Variants in RBMS3 observed in about 807,000 individuals in gnomAD.
RBMS3 encodes RNA binding motif single stranded interacting protein 3, also known as RNA-binding motif, single-stranded-interacting protein 3.
RBMS3 carries 27 observed loss-of-function variants against 66.8 expected under a neutral mutation model. The observed-to-expected ratio is 0.40, with a 90% CI of 0.30 to 0.56. The LOEUF is 0.56. Ranked by LOEUF, RBMS3 falls within the 20% of genes least tolerant of loss-of-function variation. RBMS3 has a pLI of 0.40. For synonymous variants in RBMS3, 188 were observed against 183.0 expected, an observed-to-expected ratio of 1.03 and a Z score of -0.22; for missense variants, 513 against 549.5, an observed-to-expected ratio of 0.93 and a Z score of 0.66.
intron 12 of RBMS3, among the ~76,000 whole-genome samples, chr3:29,983,560 T>G (rs1698154854): frequency 6.6e-6 from 1 of 152,212 alleles, no homozygotes; most frequent in East Asian, 1.9e-4. Flanking sequence ...TGCCAGTTTT[T>G]CCTTTCCATA....
chr3:29,902,560 A>T (rs1056890804), intron 10 of RBMS3, among the ~76,000 whole-genome samples: 4 of 151,864 alleles, frequency 2.6e-5, no homozygotes, highest in African/African-American at 9.7e-5. Flanking sequence ...TTAAAAAAAA[A>T]TGCCCATTGA....
intron 6 of RBMS3, among the ~76,000 whole-genome samples, chr3:29,857,275 C>A (rs189764489): frequency 3.3e-5 from 5 of 152,020 alleles, no homozygotes; most frequent in Admixed American, 6.6e-5. Context: ...TCTAAGGGTG[C>A]GTATGTATTT....
intron 6 of RBMS3, among the ~76,000 whole-genome samples, chr3:29,800,672 G>A (rs910839227): frequency 1.6e-4 from 24 of 152,060 alleles, no homozygotes; most frequent in Non-Finnish European, 1.2e-4. Flanking sequence ...TTTTCTTTCT[G>A]AGGATCCAGA....
chr3:29,886,792 T>G (rs2149584998), intron 8 of RBMS3, among the ~76,000 whole-genome samples: 1 of 151,806 alleles, frequency 6.6e-6, no homozygotes, highest in Admixed American at 6.6e-5. Flanking sequence ...GAAGCATCAT[T>G]AAGAGGATAT....
At chr3:29,939,685 C>G (rs983595123) in intron 11 of RBMS3, among the ~76,000 whole-genome samples, 2 of 151,864 alleles carry the variant, frequency 1.3e-5, no homozygotes, top group African/African-American at 4.8e-5. Context: ...TCTTCTCTTC[C>G]TGCACAGATT....
chr3:29,358,202 C>A (rs1226705034), intron 1 of RBMS3, among the ~76,000 whole-genome samples: 2 of 152,080 alleles, frequency 1.3e-5, no homozygotes, highest in African/African-American at 4.8e-5. Flanking sequence ...GTCTTTAATC[C>A]ATCTTGAATT....
rs1480128843 is a variant in RBMS3 at position 29,329,068 on chromosome 3, T to C, written c.75+47312T>C. Among the ~76,000 whole-genome samples, 7 of 152,292 alleles carry C rather than the reference T, an allele frequency of 4.6e-5. No homozygotes were observed. The East Asian group carries it at 1.2e-3, about 25-fold the overall frequency. On this transcript the variant is annotated intron_variant, in intron 1 of 14. Coordinates refer to ENST00000383767, the MANE Select transcript of RBMS3 (RefSeq NM_001003793.3). ...TCAGTATTGTTTCTTTACTCCGAAA[T>C]GTAAATTAAGGTTCAGTGTTTAATG...
chr3:29,623,626 T>C (rs972301721), intron 4 of RBMS3, among the ~76,000 whole-genome samples: 9 of 151,724 alleles, frequency 5.9e-5, no homozygotes, highest in African/African-American at 2.2e-4. Context: ...AAGTCATTTC[T>C]CTTCCTCACT....
In RBMS3 at chr3:29,339,464, A is replaced by C. The variant is rs1016097135; in HGVS notation, c.75+57708A>C. Among the ~76,000 whole-genome samples the C allele has an allele frequency of 2.0e-5, 3 of 152,208 alleles. No homozygotes were observed. The East Asian group carries it at 5.8e-4, about 29-fold the overall frequency. ...TTTTGTTGTCCAAAAATAGTCGGAC[A>C]GTACTATTTGCAGTCATTAATCATG... On this transcript the variant is annotated intron_variant, in intron 1 of 14. Coordinates refer to ENST00000383767, the MANE Select transcript of RBMS3 (RefSeq NM_001003793.3).
intron 6 of RBMS3, among the ~76,000 whole-genome samples, chr3:29,843,427 T>A (rs1268047308): frequency 6.6e-6 from 1 of 152,206 alleles, no homozygotes; most frequent in African/African-American, 2.4e-5. Flanking sequence ...GGTGTGATCT[T>A]AAAACATCGA....
At chr3:29,337,925 C>A (rs1575571399) in intron 1 of RBMS3, among the ~76,000 whole-genome samples, 1 of 152,072 alleles carries the variant, frequency 6.6e-6, no homozygotes, top group Non-Finnish European at 1.5e-5. Flanking sequence ...AAAAGCAGGT[C>A]ACTTGGAAAA....
chr3:29,361,854 T>G (rs889615612), intron 1 of RBMS3, among the ~76,000 whole-genome samples: 22 of 152,350 alleles, frequency 1.4e-4, no homozygotes, highest in African/African-American at 4.8e-4. Flanking sequence ...TACTGAAGCT[T>G]GTGCATTCAT....
In RBMS3 at chr3:29,952,966, G is replaced by T. The variant is rs145158972; in HGVS notation, c.1098+8712G>T. ...TGAGATTCTTGAGATACTTGTTCTG[G>T]AGGGTTGAAGCCTACTAGCCAAAGA... is the stretch of plus-strand genomic sequence containing the variant. On this transcript the variant is annotated intron_variant, in intron 12 of 14. Transcript: ENST00000383767. Among the ~76,000 whole-genome samples, 3 of 151,966 alleles carry T rather than the reference G, an allele frequency of 2.0e-5. No individual in the cohort carries two copies. The East Asian group carries it at 5.8e-4, about 29-fold the overall frequency.
At chr3:29,755,320 A>T (rs2055361788) in intron 5 of RBMS3, among the ~76,000 whole-genome samples, 1 of 152,176 alleles carries the variant, frequency 6.6e-6, no homozygotes, top group Non-Finnish European at 1.5e-5. Flanking sequence ...TAGTTTCTAG[A>T]TGGAGTATAA....
rs1553655865 is a variant in RBMS3 at position 29,747,451 on chromosome 3, T to TA, written c.557+7574_557+7575insA. On this transcript the variant is annotated intron_variant, in intron 5 of 14. Coordinates refer to ENST00000383767, the MANE Select transcript of RBMS3 (RefSeq NM_001003793.3). ...ATAGATAGATAGATAGATAGATAGATGTCAGGTCACTATTATCCAATACTG... is the reference window on the plus strand; with the variant it reads ...ATAGATAGATAGATAGATAGATAGATAGTCAGGTCACTATTATCCAATACTG... Among the ~76,000 whole-genome samples the TA allele has an allele frequency of 3.3e-3, 477 of 145,006 alleles. 3 individuals are homozygous for TA. Among genetic ancestry groups the TA allele is most frequent in the Middle Eastern group, 0.018 (5 of 284 alleles).
intron 6 of RBMS3, among the ~76,000 whole-genome samples, chr3:29,763,668 A>G (rs1338842899): frequency 6.6e-6 from 1 of 152,122 alleles, no homozygotes; most frequent in Non-Finnish European, 1.5e-5. Flanking sequence ...TGCATTAAAC[A>G]TGAAATAATT....
chr3:29,717,618 G>A (rs527493224), intron 4 of RBMS3, among the ~76,000 whole-genome samples: 1 of 152,142 alleles, frequency 6.6e-6, no homozygotes, highest in South Asian at 2.1e-4. Flanking sequence ...TAACGTTTTT[G>A]TAGAAGGACA....
chr3:29,931,027 T>C (rs2061107641), intron 10 of RBMS3, among the ~76,000 whole-genome samples: 1 of 152,188 alleles, frequency 6.6e-6, no homozygotes, highest in Non-Finnish European at 1.5e-5. Context: ...ATATATTATA[T>C]ACCTCACACT....
At chr3:29,625,986 T>C (rs2149165806) in intron 4 of RBMS3, among the ~76,000 whole-genome samples, 1 of 152,270 alleles carries the variant, frequency 6.6e-6, no homozygotes, top group African/African-American at 2.4e-5. Context: ...TTCCAGAATA[T>C]GACTCAATTA....
Sources: gnomAD v4.1 joint callset for allele counts (sites outside exome capture counted in the v4.1 genomes callset) on GRCh38, gnomAD v4.1.1 for gene constraint, MANE v1.5 for transcripts, NCBI Gene and HGNC (gene_info 2026-07-23, HGNC 2026-07-21) for gene names.